The following UBR4 variants were observed in gnomAD, a reference collection of about 807,000 sequenced individuals.
UBR4 encodes E3 ubiquitin-protein ligase UBR4.
UBR4 carries 124 observed loss-of-function variants against 575.6 expected under a neutral mutation model. The ratio of observed to expected loss-of-function variants is 0.22; its 90% CI spans 0.19 to 0.25. The LOEUF (loss-of-function observed/expected upper bound fraction) is 0.25, where lower values mean the gene tolerates loss of function less well. Ranked by LOEUF, UBR4 falls within the 10% of genes least tolerant of loss-of-function variation. UBR4 has a pLI of 1.00. For missense variants in UBR4, 4,818 were observed against 6,478.8 expected (o/e 0.74, Z 8.80); for synonymous variants, 2,455 against 2,473.7 (o/e 0.99, Z 0.22).
intron 38 of UBR4, 38 bp downstream of exon 38, chr1:19,160,879 A>C (rs773159414): frequency 6.2e-7 from 1 of 1,600,894 alleles, no homozygotes; most frequent in African/African-American, 1.3e-5. Context: ...CAGGCTCTGA[A>C]CTCTGTCTGC....
Position 19,157,815 on chromosome 1 carries a change from C to T in UBR4, c.5760G>A (p.Lys1920=). ...AGCGCACAAGAATTGGAGGACCCACCTTGCCCTTCTCATGGCTGACAGCCA... is the reference window on the plus strand; with the variant it reads ...AGCGCACAAGAATTGGAGGACCCACTTTGCCCTTCTCATGGCTGACAGCCA... ...QHLAVSHEKG[K]ITVLQLSALL... Residue 1920 remains lysine (K), a splice_region_variant and synonymous_variant, in exon 40 of 106, where the codon AAG becomes AAA. Coordinates refer to ENST00000375254, the MANE Select transcript of UBR4 (RefSeq NM_020765.3). This position sits in a 1 kb window ranked among gnomAD's most constrained non-coding sequence, Gnocchi z 4.4. The T allele has an allele frequency of 6.2e-7, 1 of 1,613,972 alleles. No homozygotes were observed. The highest frequency in any genetic ancestry group is 8.5e-7 in the Non-Finnish European group (1 of 1,179,850).
At position 19,161,814 on chromosome 1, in the gene UBR4, G is replaced by C; in HGVS notation, c.5027+13C>G. 1 of 1,614,220 alleles carries C rather than the reference G, an allele frequency of 6.2e-7. No homozygotes were observed. The highest frequency in any genetic ancestry group is 8.5e-7 in the Non-Finnish European group (1 of 1,180,032). Reference sequence around the variant, plus strand: ...CCAGCAAATCTTCACCTTAAAGGAAGAACTACCCTTACCAATGCTGGTTCA... The same window carrying C: ...CCAGCAAATCTTCACCTTAAAGGAACAACTACCCTTACCAATGCTGGTTCA... On this transcript the variant is annotated intron_variant, in intron 36 of 105. Transcript: ENST00000375254.
chr1:19,125,333 T>C (rs1400859587), intron 64 of UBR4, among the ~76,000 whole-genome samples: 1 of 152,174 alleles, frequency 6.6e-6, no homozygotes, highest in Non-Finnish European at 1.5e-5. Context: ...ACTGGAGTTG[T>C]AAACAGGAAT....
At chr1:19,097,595 T>C (rs1395707518) in intron 90 of UBR4, among the ~76,000 whole-genome samples, 1 of 152,254 alleles carries the variant, frequency 6.6e-6, no homozygotes, top group East Asian at 1.9e-4. Flanking sequence ...CCAGGTCCTA[T>C]GCTAATTAAG....
chr1:19,145,122 G>T (rs2084662461), intron 53 of UBR4, among the ~76,000 whole-genome samples: 1 of 152,168 alleles, frequency 6.6e-6, no homozygotes, highest in African/African-American at 2.4e-5. Flanking sequence ...GTCCTCAAAA[G>T]TCTTTCCAGA....
At position 19,131,492 on chromosome 1, in the gene UBR4, A is replaced by G. The variant is rs113836191; in HGVS notation, c.8907-2418T>C. ...CATTGTCAATATGGCTAGGTTACCT[A>G]AATTCACCCTACTCCTAAAAACAAA... is the stretch of plus-strand genomic sequence containing the variant. On this transcript the variant is annotated intron_variant, in intron 60 of 105. Coordinates refer to ENST00000375254, the MANE Select transcript of UBR4 (RefSeq NM_020765.3). 3.9e-4 allele frequency among the ~76,000 whole-genome samples: 60 copies of G among 152,330 alleles called. 1 individual carries two copies. The South Asian group carries it at 7.5e-3, about 19-fold the overall frequency.
intron 105 of UBR4, among the ~76,000 whole-genome samples, 160 bp downstream of exon 105, chr1:19,076,580 T>C (rs1212086862): frequency 6.6e-6 from 1 of 152,156 alleles, no homozygotes; most frequent in Non-Finnish European, 1.5e-5. Context: ...ATCGGTGACT[T>C]GCTATTTACG....
chr1:19,154,013 A>G lies in UBR4; in HGVS notation c.6459-74T>C, dbSNP rs1376387655. On this transcript the variant is annotated intron_variant, in intron 44 of 105. Transcript: ENST00000375254. ...TAGTTCTTTTCTTGACCTAAAAACCATCCTCTAACTGGCTACGTGACTCCA... is the reference window on the plus strand; with the variant it reads ...TAGTTCTTTTCTTGACCTAAAAACCGTCCTCTAACTGGCTACGTGACTCCA... 3.9e-6 allele frequency: 6 copies of G among 1,523,408 alleles called. No homozygotes were observed. In the African/African-American group the frequency reaches 4.1e-5, roughly 11 times the overall value. 94.4% of individuals were successfully genotyped at this position (1,523,408 alleles called of 1,614,324 possible).
intron 3 of UBR4, 28 bp downstream of exon 3, chr1:19,199,623 G>C (rs1259074165): frequency 6.2e-7 from 1 of 1,604,546 alleles, no homozygotes; most frequent in African/African-American, 1.3e-5. Flanking sequence ...CTTCAGAATA[G>C]GGCAAGAAAT....
At chr1:19,099,877 G>A (rs192938196) in intron 89 of UBR4, among the ~76,000 whole-genome samples, 200 bp from the exon 90 acceptor site, 18 of 151,952 alleles carry the variant, frequency 1.2e-4, no homozygotes, top group Admixed American at 8.5e-4. Flanking sequence ...GGCTGCTAAC[G>A]TCCCTAACCC....
chr1:19,102,840 C>T (rs1242839658), intron 87 of UBR4, among the ~76,000 whole-genome samples: 1 of 152,214 alleles, frequency 6.6e-6, no homozygotes, highest in East Asian at 1.9e-4. Context: ...TCAGCTATCC[C>T]TTTCCCCCAA....
chr1:19,138,173 G>A lies in UBR4; in HGVS notation c.8740C>T (p.Arg2914Trp), dbSNP rs758640209. 15 of 1,513,728 alleles carry A rather than the reference G, an allele frequency of 9.9e-6. No homozygotes were observed. Among genetic ancestry groups the A allele is most frequent in the Non-Finnish European group, 1.2e-5 (14 of 1,121,928 alleles). The allele number at this position is 1,513,728 out of a possible 1,614,324, so 93.8% of individuals were successfully genotyped here. A position where few individuals can be genotyped will look rare whatever the true frequency, so the allele number is the denominator to read the frequency against. The change falls in exon 60 of 106, where the codon CGG (arginine) becomes TGG (tryptophan). Residue 2914 changes from arginine (R) to tryptophan (W), a missense_variant. Around this residue, in one of 29 missense-constraint regions of UBR4, gnomAD observed 57 missense variants for 101.5 expected, o/e 0.56. Transcript: ENST00000375254. ...SVAGEHSVSGRSSAYGDATAE... is the reference protein window; with the variant it reads ...SVAGEHSVSGWSSAYGDATAE... The stretch of plus-strand genomic sequence containing the variant: ...GTAGCATCGCCATAAGCACTGCTCC[G>A]GCCAGATACTAGAGGGAAATGGTTT...
At chr1:19,134,168 T>A (rs1192142378) in intron 60 of UBR4, among the ~76,000 whole-genome samples, 2 of 149,198 alleles carry the variant, frequency 1.3e-5, no homozygotes, top group Non-Finnish European at 2.9e-5. Flanking sequence ...GCAGGAGGAT[T>A]CCTTGAGCCT....
At chr1:19,086,585 A>C in intron 100 of UBR4, 94 bp downstream of exon 100, 1 of 1,525,038 alleles carries the variant, frequency 6.6e-7, no homozygotes, top group South Asian at 1.2e-5. Context: ...GAGACTAAGG[A>C]GCAGATTTAA....
chr1:19,110,190 T>G lies in UBR4; in HGVS notation c.12011A>C (p.Lys4004Thr). ...LSLFLMAVNIKTPVVVENITL... is the reference protein window; with the variant it reads ...LSLFLMAVNITTPVVVENITL... ...AATGTTTTCAACCACCACAGGAGTC[T>G]TAATGTTCACAGCCATGAGGAAAAG... Residue 4004 changes from lysine (K) to threonine (T), a missense_variant, in exon 81 of 106, where the codon AAG (lysine) becomes ACG (threonine). By Grantham distance (78) the Lys-to-Thr change is moderately conservative. Transcript: ENST00000375254. This position sits in a 1 kb window ranked among gnomAD's most constrained non-coding sequence, Gnocchi z 4.5. 3.1e-6 allele frequency: 5 copies of G among 1,614,216 alleles called. No individual in the cohort carries two copies. Among genetic ancestry groups the G allele is most frequent in the Non-Finnish European group, 4.2e-6 (5 of 1,180,026 alleles).
rs779195729 is a variant in UBR4, at chr1:19,154,915, C to T, written c.6458+3G>A. On this transcript the variant is annotated splice_donor_region_variant and intron_variant, in intron 44 of 105. Transcript: ENST00000375254. ...AAGTTGAACATTAAATGTTCATTCC[C>T]ACCTTTTGATGTTGATGGGGAAGAG... The T allele has an allele frequency of 3.1e-6, 5 of 1,613,990 alleles. No individual in the cohort carries two copies. The Admixed American group carries it at 6.7e-5, about 22-fold the overall frequency.
chr1:19,118,550 A>T (rs533760163), intron 71 of UBR4: 1 of 245,508 alleles, frequency 4.1e-6, no homozygotes, highest in Non-Finnish European at 7.8e-6. Context: ...CCTCCCCAGC[A>T]GCTGGGACCA....
chr1:19,140,583 T>C (rs2083768360), intron 58 of UBR4, among the ~76,000 whole-genome samples: 1 of 152,208 alleles, frequency 6.6e-6, no homozygotes, highest in Admixed American at 6.5e-5. Context: ...CCAGGCAGCA[T>C]GCAAAGTGTG....
chr1:19,109,983 G>C, intron 81 of UBR4, 113 bp downstream of exon 81: 1 of 1,505,430 alleles, frequency 6.6e-7, no homozygotes, highest in Non-Finnish European at 9.1e-7. Flanking sequence ...AGCCTCTCAG[G>C]GGAGGTGGGC....
Sources: allele counts gnomAD v4.1 joint callset (sites outside exome capture counted in the v4.1 genomes callset), GRCh38; gene constraint gnomAD v4.1.1; regional missense constraint gnomAD v4.1.1; non-coding constraint Gnocchi (gnomAD v3.1); transcripts MANE v1.5; gene names NCBI Gene and HGNC (gene_info 2026-07-23, HGNC 2026-07-21).